UMAD1: variants seen among roughly 807,000 people sequenced by gnomAD.
The protein encoded by UMAD1 is UBAP1-MVB12-associated (UMA) domain containing 1.
In UMAD1, 8 loss-of-function variants were observed where a neutral mutation model predicts 6.1. That is an observed-to-expected ratio of 1.30 (90% CI 0.76 to 2.35). The LOEUF (loss-of-function observed/expected upper bound fraction) is 2.35. UMAD1 is among the 30% of genes most tolerant of loss of function. The pLI is 0.00. For missense variants in UMAD1, 130 were observed against 78.4 expected (o/e 1.66, Z -2.49); for synonymous variants, 56 against 31.4 (o/e 1.78, Z -2.61).
intron 2 of UMAD1, among the ~76,000 whole-genome samples, chr7:7,732,808 A>G (rs1325218188): frequency 6.6e-6 from 1 of 152,188 alleles, no homozygotes; most frequent in Non-Finnish European, 1.5e-5. Flanking sequence ...CCCTGAGTAG[A>G]TGGGCACTAA....
At chr7:7,688,112 C>G (rs1780082134) in intron 2 of UMAD1, among the ~76,000 whole-genome samples, 2 of 152,196 alleles carry the variant, frequency 1.3e-5, no homozygotes, top group African/African-American at 2.4e-5. Context: ...ACTTCTGACA[C>G]TACATGTAAA....
chr7:7,782,025 T>C, intron 2 of UMAD1, among the ~76,000 whole-genome samples: 1 of 152,120 alleles, frequency 6.6e-6, no homozygotes, highest in East Asian at 1.9e-4. Flanking sequence ...AGTTGTAGAA[T>C]GTAAAAATAA....
chr7:7,646,550 G>A (rs1014840995), intron 1 of UMAD1, among the ~76,000 whole-genome samples: 13 of 135,198 alleles, frequency 9.6e-5, no homozygotes, highest in East Asian at 2.1e-4. Flanking sequence ...TTTGCTTTCC[G>A]CCATGATTGT....
chr7:7,874,172 G>A (rs1024686903), intron 3 of UMAD1, among the ~76,000 whole-genome samples: 17 of 152,088 alleles, frequency 1.1e-4, no homozygotes, highest in African/African-American at 3.9e-4. Flanking sequence ...TATCCCCACC[G>A]TCCATTCCAT....
chr7:7,756,298 G>T (rs1029193862), intron 2 of UMAD1, among the ~76,000 whole-genome samples: 2 of 152,180 alleles, frequency 1.3e-5, no homozygotes, highest in Admixed American at 6.5e-5. Flanking sequence ...TTGTTAATGT[G>T]CTCAGAGAGT....
chr7:7,847,107 ATATATATATATAT>A lies in UMAD1; in HGVS notation c.157-30173_157-30161del. On this transcript the variant is annotated intron_variant, in intron 3 of 3. Transcript: ENST00000682710. ...CAATGCAAAAAAAAAAAAAAAAAAT[ATATATATATATAT>A]ATATATATATATATATATATATATA... Among the ~76,000 whole-genome samples, 16 of 4,876 alleles carry A rather than the reference ATATATATATATAT, an allele frequency of 3.3e-3. 4 individuals carry two copies. The highest frequency in any genetic ancestry group is 0.024 in the African/African-American group (15 of 616). 3.2% of individuals were successfully genotyped at this position (4,876 alleles called of 152,430 possible). A position where few individuals can be genotyped will look rare whatever the true frequency, so the allele number is the denominator to read the frequency against.
At chr7:7,863,986 C>T (rs4371915) in intron 3 of UMAD1, among the ~76,000 whole-genome samples, 64,329 of 152,086 alleles carry the variant, frequency 0.42, 14,498 homozygotes, top group African/African-American at 0.54. Flanking sequence ...AAATATATAT[C>T]TGGTCTTTGT....
At chr7:7,726,867 C>T (rs1163273243) in intron 2 of UMAD1, among the ~76,000 whole-genome samples, 4 of 152,124 alleles carry the variant, frequency 2.6e-5, no homozygotes, top group African/African-American at 4.8e-5. Context: ...CCTGGACTAT[C>T]AAGATGAAAT....
chr7:7,804,175 T>C (rs1233736747), intron 3 of UMAD1, among the ~76,000 whole-genome samples: 1 of 152,320 alleles, frequency 6.6e-6, no homozygotes, highest in Middle Eastern at 3.4e-3. Flanking sequence ...GGACAGTGTT[T>C]GCTATCAGAC....
chr7:7,758,554 C>T lies in UMAD1; in HGVS notation c.83-43116C>T, dbSNP rs556065712. The stretch of plus-strand genomic sequence containing the variant: ...GTGGAAGCTGCCTCTGCACCTTCAG[C>T]CTCCATTGAAGAAGCCATTCATTCC... On this transcript the variant is annotated intron_variant, in intron 2 of 3. Transcript: ENST00000682710. 2.6e-5 allele frequency among the ~76,000 whole-genome samples: 4 copies of T among 152,044 alleles called. No individual in the cohort carries two copies. The South Asian group carries it at 8.3e-4, about 32-fold the overall frequency.
chr7:7,767,128 C>CTTTTTTTT lies in UMAD1; in HGVS notation c.83-34535_83-34528dup, dbSNP rs71014711. ...AGTGAGCATTTCAAGAAATTAAGCT[C>CTTTTTTTT]TTTTTTTTTTTTTTGAGACGGACTC... On this transcript the variant is annotated intron_variant, in intron 2 of 3. Coordinates refer to ENST00000682710, the MANE Select transcript of UMAD1 (RefSeq NM_001302348.2). Among the ~76,000 whole-genome samples, 14 of 129,812 alleles carry CTTTTTTTT rather than the reference C, an allele frequency of 1.1e-4. No homozygotes were observed. In the East Asian group the frequency reaches 1.1e-3, roughly 10 times the overall value. The allele number at this position is 129,812 out of a possible 152,430, so 85.2% of individuals were successfully genotyped here. A position where few individuals can be genotyped will look rare whatever the true frequency, so the allele number is the denominator to read the frequency against.
intron 2 of UMAD1, among the ~76,000 whole-genome samples, chr7:7,713,599 C>A (rs925647413): frequency 1.4e-4 from 21 of 151,650 alleles, no homozygotes; most frequent in Admixed American, 7.2e-4. Context: ...CTTGCTCTTA[C>A]CTTAATTATT....
rs142391553 is a variant in UMAD1, at chr7:7,689,180, C to T, written c.82+15727C>T. Among the ~76,000 whole-genome samples the T allele has an allele frequency of 4.0e-3, 608 of 152,214 alleles. 2 individuals carry two copies. Among genetic ancestry groups the T allele is most frequent in the Non-Finnish European group, 5.1e-3 (348 of 68,004 alleles). On this transcript the variant is annotated intron_variant, in intron 2 of 3. Coordinates refer to ENST00000682710, the MANE Select transcript of UMAD1 (RefSeq NM_001302348.2). ...CCAGTGATTGGCTTAGGAATGGGCA[C>T]CCATCACATTTCTGACTGCGACATG... is the stretch of plus-strand genomic sequence containing the variant.
chr7:7,816,041 A>T (rs1373045185), intron 3 of UMAD1, among the ~76,000 whole-genome samples: 2 of 152,198 alleles, frequency 1.3e-5, no homozygotes, highest in Admixed American at 1.3e-4. Context: ...ATTAATTTAA[A>T]AAAAAATCTT....
chr7:7,734,605 C>G (rs1781314369), intron 2 of UMAD1, among the ~76,000 whole-genome samples: 2 of 152,100 alleles, frequency 1.3e-5, no homozygotes, highest in African/African-American at 4.8e-5. Context: ...TTTGAAGTTT[C>G]ATCATAAATA....
chr7:7,746,524 A>C (rs1273318810), intron 2 of UMAD1, among the ~76,000 whole-genome samples: 1 of 152,224 alleles, frequency 6.6e-6, no homozygotes, highest in Non-Finnish European at 1.5e-5. Flanking sequence ...ACGTTGCTTA[A>C]ATATGTGCAT....
At chr7:7,775,771 T>G (rs967615223) in intron 2 of UMAD1, among the ~76,000 whole-genome samples, 9 of 152,338 alleles carry the variant, frequency 5.9e-5, no homozygotes, top group Admixed American at 5.9e-4. Flanking sequence ...ATATACCTAC[T>G]ATATGATGCA....
chr7:7,844,503 G>A (rs574429637), intron 3 of UMAD1, among the ~76,000 whole-genome samples: 5 of 152,200 alleles, frequency 3.3e-5, no homozygotes, highest in Admixed American at 6.5e-5. Flanking sequence ...AGTGACTGGC[G>A]TTGGTAGTAT....
At chr7:7,734,432 A>G (rs1200860162) in intron 2 of UMAD1, among the ~76,000 whole-genome samples, 1 of 152,154 alleles carries the variant, frequency 6.6e-6, no homozygotes, top group Non-Finnish European at 1.5e-5. Flanking sequence ...CATGATAATA[A>G]GAAGCTTAAT....
Sources: gnomAD v4.1 joint callset for allele counts (sites outside exome capture counted in the v4.1 genomes callset) on GRCh38, gnomAD v4.1.1 for gene constraint, MANE v1.5 for transcripts, NCBI Gene and HGNC (gene_info 2026-07-23, HGNC 2026-07-21) for gene names.